The following NTM variants were observed in gnomAD, a reference collection of about 807,000 sequenced individuals.
NTM encodes neurotrimin, also known as IgLON family member 2.
NTM carries 13 observed loss-of-function variants against 42.1 expected under a neutral mutation model. The observed-to-expected ratio is 0.31, with a 90% CI of 0.20 to 0.49. NTM has a LOEUF of 0.49. NTM is among the 20% of genes least tolerant of loss of function. NTM has a pLI of 0.99. For missense variants in NTM, 373 were observed against 452.8 expected (o/e 0.82, Z 1.60); for synonymous variants, 187 against 179.2 (o/e 1.04, Z -0.35).
At chr11:131,854,645 G>C (rs867208223) in intron 1 of NTM, among the ~76,000 whole-genome samples, 9 of 152,120 alleles carry the variant, frequency 5.9e-5, no homozygotes, top group African/African-American at 1.4e-4. Context: ...AGGTAAGTTC[G>C]GGAGATAGGG....
At chr11:132,245,483 TAGAA>T (rs1030080466) in intron 4 of NTM, among the ~76,000 whole-genome samples, 3 of 151,912 alleles carry the variant, frequency 2.0e-5, no homozygotes, top group African/African-American at 7.3e-5. Flanking sequence ...GGCATAATAT[TAGAA>T]AGAGCAAGCG....
At chr11:131,561,007 C>A (rs1565640503) in intron 1 of NTM, among the ~76,000 whole-genome samples, 1 of 152,222 alleles carries the variant, frequency 6.6e-6, no homozygotes, top group East Asian at 1.9e-4. Context: ...CAAGATCACC[C>A]TGGACCTTCG....
chr11:132,149,847 G>T (rs939852945), intron 3 of NTM, among the ~76,000 whole-genome samples: 2 of 151,966 alleles, frequency 1.3e-5, no homozygotes, highest in South Asian at 2.1e-4. Flanking sequence ...TACTTGCCAG[G>T]GTGGCTATTT....
chr11:131,501,855 G>T (rs374714420), intron 1 of NTM, among the ~76,000 whole-genome samples: 8 of 150,218 alleles, frequency 5.3e-5, no homozygotes, highest in Admixed American at 5.3e-4. Flanking sequence ...ACCAGAGGAA[G>T]AGAAGGTATG....
At chr11:131,873,562 C>CGTATATATATACGTATATATATACG (rs2048041542) in intron 1 of NTM, among the ~76,000 whole-genome samples, 7 of 33,120 alleles carry the variant, frequency 2.1e-4, no homozygotes, top group African/African-American at 5.4e-4. Flanking sequence ...ATATATATAC[C>CGTATATATATACGTATATATATACG]GTATATATAT....
chr11:132,110,903 A>G (rs1030039477), intron 2 of NTM, among the ~76,000 whole-genome samples: 2 of 150,988 alleles, frequency 1.3e-5, no homozygotes, highest in South Asian at 4.2e-4. Flanking sequence ...TTTAAAAAAT[A>G]TTTTTATAAT....
intron 1 of NTM, among the ~76,000 whole-genome samples, chr11:131,372,199 G>A (rs1591485649): frequency 6.6e-6 from 1 of 152,206 alleles, no homozygotes; most frequent in South Asian, 2.1e-4. Context: ...GTACACCCTT[G>A]ACTGGGGCTC....
At chr11:131,525,023 T>C (rs395514) in intron 1 of NTM, among the ~76,000 whole-genome samples, 26,954 of 151,846 alleles carry the variant, frequency 0.18, 2,445 homozygotes, top group Middle Eastern at 0.23. Context: ...TGATGGGATG[T>C]ATCCTAAGTA....
intron 1 of NTM, among the ~76,000 whole-genome samples, chr11:131,540,167 T>G (rs1040639600): frequency 6.3e-5 from 8 of 127,844 alleles, no homozygotes; most frequent in African/African-American, 1.5e-4. Flanking sequence ...TTTTTTTTTT[T>G]TTTTTTTTTT....
chr11:132,205,950 T>C (rs2081932463), intron 3 of NTM, among the ~76,000 whole-genome samples: 1 of 152,182 alleles, frequency 6.6e-6, no homozygotes, highest in African/African-American at 2.4e-5. Flanking sequence ...TCTAGGGGTC[T>C]CCCTGTGCAG....
In NTM at chr11:131,964,576, AAAAT is replaced by A. The variant is rs141713487; in HGVS notation, c.167+52934_167+52937del. On this transcript the variant is annotated intron_variant, in intron 2 of 8. Transcript: ENST00000683400. ...ACATGGGATTATGGGACACAAGAAAAAAATAAATATTCAAAGCTTCAAAGACTTT... is the reference window on the plus strand; with the variant it reads ...ACATGGGATTATGGGACACAAGAAAAAAATATTCAAAGCTTCAAAGACTTT... 4.3e-3 allele frequency among the ~76,000 whole-genome samples: 653 copies of A among 152,320 alleles called. 5 individuals carry two copies. The highest frequency in any genetic ancestry group is 0.014 in the Middle Eastern group (4 of 294).
chr11:131,696,069 A>G (rs943177792), intron 1 of NTM, among the ~76,000 whole-genome samples: 9 of 152,238 alleles, frequency 5.9e-5, no homozygotes, highest in African/African-American at 2.2e-4. Context: ...TGTTGATGTG[A>G]CAGACATGAA....
At chr11:131,810,638 T>G (rs1407292913) in intron 1 of NTM, among the ~76,000 whole-genome samples, 1 of 152,190 alleles carries the variant, frequency 6.6e-6, no homozygotes. Context: ...TCTGATTTAT[T>G]GCTTAGGAGA....
At chr11:131,525,089 C>T (rs1368004078) in intron 1 of NTM, among the ~76,000 whole-genome samples, 1 of 151,018 alleles carries the variant, frequency 6.6e-6, no homozygotes, top group Non-Finnish European at 1.5e-5. Flanking sequence ...TCTCAGGGGG[C>T]GGGTATTGCC....
chr11:131,684,899 G>A (rs1322632521), intron 1 of NTM, among the ~76,000 whole-genome samples: 1 of 152,212 alleles, frequency 6.6e-6, no homozygotes, highest in Admixed American at 6.5e-5. Context: ...AGAAGACCAA[G>A]GGCATGAGTG....
At chr11:131,775,000 G>A (rs1411855949) in intron 1 of NTM, among the ~76,000 whole-genome samples, 1 of 152,134 alleles carries the variant, frequency 6.6e-6, no homozygotes, top group African/African-American at 2.4e-5. Flanking sequence ...TGTTTCCATG[G>A]GAGTTGAAAA....
At chr11:132,161,389 T>C (rs1374119668) in intron 3 of NTM, among the ~76,000 whole-genome samples, 1 of 149,578 alleles carries the variant, frequency 6.7e-6, no homozygotes, top group African/African-American at 2.4e-5. Flanking sequence ...TTTTTTTTTT[T>C]TTTTTTCCCC....
At chr11:131,921,535 T>C (rs1273298720) in intron 2 of NTM, among the ~76,000 whole-genome samples, 3 of 152,214 alleles carry the variant, frequency 2.0e-5, no homozygotes, top group African/African-American at 7.2e-5. Context: ...TTCCACTGTT[T>C]TCAGCCCCCA....
chr11:131,471,623 G>A (rs761277841), intron 1 of NTM, among the ~76,000 whole-genome samples: 6 of 152,076 alleles, frequency 3.9e-5, no homozygotes, highest in African/African-American at 1.4e-4. Context: ...GGGCATTGGA[G>A]GTTGAGGTAA....
Sources: gnomAD v4.1 joint callset for allele counts (sites outside exome capture counted in the v4.1 genomes callset) on GRCh38, gnomAD v4.1.1 for gene constraint, MANE v1.5 for transcripts, NCBI Gene and HGNC (gene_info 2026-07-23, HGNC 2026-07-21) for gene names.